The following STPG2 variants were observed in gnomAD, a reference collection of about 807,000 sequenced individuals.
STPG2 encodes sperm tail PG-rich repeat containing 2.
In STPG2, 56 loss-of-function variants were observed where a neutral mutation model predicts 54.2. That is an observed-to-expected ratio of 1.03 (90% CI 0.83 to 1.29). The LOEUF (loss-of-function observed/expected upper bound fraction) is 1.29. Among genes scored for constraint, STPG2 ranks in the 50% most tolerant of loss-of-function variants. The probability of loss-of-function intolerance (pLI) is 0.00; values close to 1 mark genes in which losing one functional copy is unlikely to be tolerated. For synonymous variants in STPG2, 200 were observed against 181.8 expected (o/e 1.10, Z -0.81); for missense variants, 596 against 544.9 (o/e 1.09, Z -0.93).
At chr4:97,823,159 T>A (rs533461816) in intron 9 of STPG2, among the ~76,000 whole-genome samples, 1 of 152,210 alleles carries the variant, frequency 6.6e-6, no homozygotes, top group East Asian at 1.9e-4. Flanking sequence ...GGCTACACTA[T>A]GCAAAAGATT....
intron 10 of STPG2, among the ~76,000 whole-genome samples, chr4:97,652,083 A>C (rs1475429234): frequency 6.6e-6 from 1 of 151,926 alleles, no homozygotes; most frequent in Non-Finnish European, 1.5e-5. Flanking sequence ...TGATAGTAAT[A>C]CTAGTATCAA....
chr4:97,706,097 T>C (rs1723931806), intron 10 of STPG2, among the ~76,000 whole-genome samples: 1 of 152,144 alleles, frequency 6.6e-6, no homozygotes, highest in African/African-American at 2.4e-5. Flanking sequence ...TCCTTATAAC[T>C]GTAGCTTTGA....
intron 8 of STPG2, among the ~76,000 whole-genome samples, chr4:97,899,679 C>T (rs567923312): frequency 3.3e-4 from 50 of 152,174 alleles, no homozygotes; most frequent in African/African-American, 1.2e-3. Context: ...ACATCTACAA[C>T]CATCTGATCT....
chr4:97,473,446 G>C (rs1187623147), intron 4 of STPG2, among the ~76,000 whole-genome samples: 2 of 152,110 alleles, frequency 1.3e-5, no homozygotes, highest in African/African-American at 2.4e-5. Flanking sequence ...GTCTCCCATA[G>C]CGCTCCCAGG....
intron 5 of STPG2, among the ~76,000 whole-genome samples, chr4:98,088,684 A>C (rs1471488403): frequency 6.6e-6 from 1 of 151,320 alleles, no homozygotes; most frequent in East Asian, 1.9e-4. Flanking sequence ...AAAAAAAAAA[A>C]AAAAAAAACT....
At chr4:97,738,109 C>A (rs1297756767) in intron 9 of STPG2, among the ~76,000 whole-genome samples, 1 of 152,104 alleles carries the variant, frequency 6.6e-6, no homozygotes. Context: ...TCCAGCCAAA[C>A]TAAACTTCAT....
chr4:97,717,818 A>T (rs1462048567), intron 9 of STPG2, among the ~76,000 whole-genome samples: 1 of 152,188 alleles, frequency 6.6e-6, no homozygotes, highest in Non-Finnish European at 1.5e-5. Flanking sequence ...TAGGCAGTAC[A>T]TAAATATGTA....
intron 9 of STPG2, among the ~76,000 whole-genome samples, chr4:97,730,092 C>T (rs950282596): frequency 6.6e-6 from 1 of 152,034 alleles, no homozygotes; most frequent in African/African-American, 2.4e-5. Flanking sequence ...TGTGACTGAA[C>T]CCATAACTCA....
intron 10 of STPG2, among the ~76,000 whole-genome samples, chr4:97,705,805 T>C (rs1373803312): frequency 6.6e-6 from 1 of 151,948 alleles, no homozygotes; most frequent in Admixed American, 6.6e-5. Flanking sequence ...AGATTTTTCA[T>C]TTTGGACTCA....
intron 8 of STPG2, among the ~76,000 whole-genome samples, chr4:97,916,081 T>A (rs1198447098): frequency 6.6e-6 from 1 of 152,172 alleles, no homozygotes; most frequent in Non-Finnish European, 1.5e-5. Flanking sequence ...GCTGACAATA[T>A]ATCCTGATTT....
intron 5 of STPG2, among the ~76,000 whole-genome samples, chr4:97,996,301 A>G (rs1006964804): frequency 3.3e-5 from 5 of 152,062 alleles, no homozygotes; most frequent in African/African-American, 1.2e-4. Flanking sequence ...ACCTACTACC[A>G]TCTTAACCAT....
intron 10 of STPG2, among the ~76,000 whole-genome samples, chr4:97,635,033 A>G (rs1196598102): frequency 6.6e-6 from 1 of 152,132 alleles, no homozygotes; most frequent in Non-Finnish European, 1.5e-5. Context: ...CAAGACACAT[A>G]ATTGTCAGAT....
At chr4:97,536,203 G>A (rs1239254483) in intron 4 of STPG2, among the ~76,000 whole-genome samples, 2 of 152,152 alleles carry the variant, frequency 1.3e-5, no homozygotes, top group African/African-American at 2.4e-5. Context: ...CAGTGTCATT[G>A]CACTTAACAT....
At chr4:97,626,348 C>T (rs1394971939) in intron 10 of STPG2, among the ~76,000 whole-genome samples, 3 of 152,066 alleles carry the variant, frequency 2.0e-5, no homozygotes, top group African/African-American at 4.8e-5. Flanking sequence ...TTCTTCTTCT[C>T]TATTGGTAAA....
intron 5 of STPG2, among the ~76,000 whole-genome samples, chr4:98,036,144 A>C (rs966749321): frequency 6.6e-6 from 1 of 152,118 alleles, no homozygotes; most frequent in Non-Finnish European, 1.5e-5. Context: ...AGAGAAAAAA[A>C]GTCAAAAAAA....
At position 97,686,525 on chromosome 4, in the gene STPG2, C is replaced by T. The variant is rs576777925; in HGVS notation, c.1320+26174G>A. Reference sequence around the variant, plus strand: ...CAGAGAAGAATTTTCCGTTCTTCTGCTGGAGGTTAGAATCCTGGAATGCCA... The same window carrying T: ...CAGAGAAGAATTTTCCGTTCTTCTGTTGGAGGTTAGAATCCTGGAATGCCA... On this transcript the variant is annotated intron_variant, in intron 10 of 10. Transcript: ENST00000295268. Among the ~76,000 whole-genome samples the T allele has an allele frequency of 8.5e-5, 13 of 152,218 alleles. No individual in the cohort carries two copies. In the South Asian group the frequency reaches 2.7e-3, roughly 32 times the overall value.
chr4:97,560,475 C>A (rs1292942112), intron 10 of STPG2, among the ~76,000 whole-genome samples: 3 of 152,094 alleles, frequency 2.0e-5, no homozygotes, highest in Non-Finnish European at 2.9e-5. Flanking sequence ...GAACTAGGTA[C>A]TCTTTGTAAA....
intron 8 of STPG2, among the ~76,000 whole-genome samples, chr4:97,898,176 C>G (rs536218022): frequency 1.3e-5 from 2 of 152,234 alleles, no homozygotes; most frequent in African/African-American, 4.8e-5. Context: ...GTCTCCATTG[C>G]TTGATTTTGT....
intron 9 of STPG2, among the ~76,000 whole-genome samples, chr4:97,831,389 T>G (rs1454518754): frequency 6.6e-6 from 1 of 152,014 alleles, no homozygotes; most frequent in Non-Finnish European, 1.5e-5. Context: ...AGAGAAAAAT[T>G]TATAGTACTA....
Sources: gnomAD v4.1 joint callset for allele counts (sites outside exome capture counted in the v4.1 genomes callset) on GRCh38, gnomAD v4.1.1 for gene constraint, MANE v1.5 for transcripts, NCBI Gene and HGNC (gene_info 2026-07-23, HGNC 2026-07-21) for gene names.